The following TGFB2 variants were observed in gnomAD, a reference collection of about 807,000 sequenced individuals.
TGFB2 encodes the protein transforming growth factor beta-2 proprotein.
TGFB2 carries 13 observed loss-of-function variants against 42.7 expected under a neutral mutation model. The observed-to-expected ratio is 0.30, with a 90% CI of 0.20 to 0.48. The LOEUF (loss-of-function observed/expected upper bound fraction) is 0.48. Ranked by LOEUF, TGFB2 falls within the 20% of genes least tolerant of loss-of-function variation. The pLI, the probability that TGFB2 is intolerant of heterozygous loss-of-function variation, is 0.99. For missense variants in TGFB2, 390 were observed against 517.5 expected, an observed-to-expected ratio of 0.75 and a Z score of 2.39; for synonymous variants, 193 against 193.6, an observed-to-expected ratio of 1.00 and a Z score of 0.03.
intron 6 of TGFB2, 81 bp from the exon 7 acceptor site, chr1:218,441,123 A>C: frequency 7.3e-7 from 1 of 1,376,272 alleles, no homozygotes; most frequent in Admixed American, 2.4e-5. Context: ...ACTGCTAACA[A>C]TGTGGAATTC....
intron 1 of TGFB2, among the ~76,000 whole-genome samples, chr1:218,372,952 G>A (rs906716590): frequency 1.1e-4 from 16 of 152,056 alleles, no homozygotes; most frequent in Non-Finnish European, 2.1e-4. Flanking sequence ...TGAGGTGGGC[G>A]GATCACCTGA....
rs1656695666 is a variant in TGFB2 at position 218,346,773 on chromosome 1, C to G, written c.72C>G (p.Cys24Trp). 6.2e-7 allele frequency: 1 copy of G among 1,614,078 alleles called. No homozygotes were observed. Among genetic ancestry groups the G allele is most frequent in the African/African-American group, 1.3e-5 (1 of 74,922 alleles). ...CGGTCGCGCTCAGCCTGTCTACCTG[C>G]AGCACACTCGATATGGACCAGTTCA... ...LVTVALSLSTCSTLDMDQFMR... is the reference protein window; with the variant it reads ...LVTVALSLSTWSTLDMDQFMR... The change falls in exon 1 of 7, where the codon TGC (cysteine) becomes TGG (tryptophan). Residue 24 changes from cysteine to tryptophan, a missense_variant. Physicochemically the swap from Cys to Trp is radical, Grantham distance 215. Coordinates refer to ENST00000366930, the MANE Select transcript of TGFB2 (RefSeq NM_003238.6). The surrounding 1 kb of genome is among the most constrained non-coding windows in gnomAD (Gnocchi z 4.9).
intron 2 of TGFB2, among the ~76,000 whole-genome samples, chr1:218,428,904 T>C (rs923003372): frequency 6.6e-6 from 1 of 151,978 alleles, no homozygotes; most frequent in Non-Finnish European, 1.5e-5. Context: ...GGGATGGCAC[T>C]GAATCTATAA....
At chr1:218,415,407 T>A (rs1361233290) in intron 2 of TGFB2, among the ~76,000 whole-genome samples, 1 of 152,050 alleles carries the variant, frequency 6.6e-6, no homozygotes, top group Admixed American at 6.6e-5. Context: ...AAGTTGCAGA[T>A]GAGCAGGCCG....
intron 1 of TGFB2, among the ~76,000 whole-genome samples, chr1:218,380,293 G>A (rs1162536589): frequency 1.3e-5 from 2 of 152,300 alleles, no homozygotes; most frequent in South Asian, 4.1e-4. Flanking sequence ...TTTGGGGACG[G>A]ACATTCCACT....
rs1656624936 is a variant in TGFB2, at chr1:218,345,420, T to C, written c.-1282T>C. The stretch of plus-strand genomic sequence containing the variant: ...AGAGAAAGACAGATTGAGATAGAGA[T>C]AGAAAGAGAAAGAGAGAAAGAGACA... On this transcript the variant is annotated 5_prime_UTR_variant, in exon 1 of 7. Transcript: ENST00000366930. 6.6e-6 allele frequency: 1 copy of C among 151,946 alleles called. No individual in the cohort carries two copies. Among genetic ancestry groups the C allele is most frequent in the African/African-American group, 2.4e-5 (1 of 41,224 alleles). 9.4% of individuals were successfully genotyped at this position (151,946 alleles called of 1,614,324 possible). A position where few individuals can be genotyped will look rare whatever the true frequency, so the allele number is the denominator to read the frequency against.
At chr1:218,404,369 C>G (rs374431096) in intron 1 of TGFB2, among the ~76,000 whole-genome samples, 13 of 152,192 alleles carry the variant, frequency 8.5e-5, no homozygotes, top group Admixed American at 2.6e-4. Flanking sequence ...CCACCTCAGC[C>G]TCCCAAAGTG....
intron 2 of TGFB2, among the ~76,000 whole-genome samples, chr1:218,417,115 G>A (rs1659307051): frequency 6.6e-6 from 1 of 152,184 alleles, no homozygotes; most frequent in African/African-American, 2.4e-5. Flanking sequence ...TTTGGAACTG[G>A]GTAACGAGCA....
chr1:218,367,144 G>A (rs1657412509), intron 1 of TGFB2, among the ~76,000 whole-genome samples: 1 of 152,144 alleles, frequency 6.6e-6, no homozygotes, highest in South Asian at 2.1e-4. Context: ...GTGGAGTGGG[G>A]AAGGGACTTT....
chr1:218,433,994 A>G, intron 2 of TGFB2, 88 bp from the exon 3 acceptor site: 8 of 1,536,218 alleles, frequency 5.2e-6, no homozygotes, highest in Non-Finnish European at 7.1e-6. Flanking sequence ...AATTTAGGTA[A>G]TGAATTAGAA....
chr1:218,400,906 A>G (rs942013593), intron 1 of TGFB2, among the ~76,000 whole-genome samples: 2 of 152,224 alleles, frequency 1.3e-5, no homozygotes, highest in South Asian at 2.1e-4. Context: ...GGAGGCAGAG[A>G]GTCCTGGGCA....
chr1:218,363,719 C>G (rs368869674), intron 1 of TGFB2, among the ~76,000 whole-genome samples: 1 of 152,170 alleles, frequency 6.6e-6, no homozygotes, highest in Admixed American at 6.5e-5. Flanking sequence ...TCCTGATCCC[C>G]ATGGAGGCCA....
intron 1 of TGFB2, among the ~76,000 whole-genome samples, chr1:218,350,298 C>T (rs990157402): frequency 7.2e-5 from 11 of 152,178 alleles, no homozygotes; most frequent in Non-Finnish European, 2.9e-5. Context: ...TTGTACTCCC[C>T]CCAACACCCG....
intron 1 of TGFB2, among the ~76,000 whole-genome samples, chr1:218,370,890 G>A (rs937638372): frequency 6.6e-6 from 1 of 152,214 alleles, no homozygotes; most frequent in Admixed American, 6.5e-5. Flanking sequence ...ACAAGGGAGA[G>A]AGGCTGTGGG....
At chr1:218,386,830 T>C (rs1658152992) in intron 1 of TGFB2, among the ~76,000 whole-genome samples, 1 of 152,248 alleles carries the variant, frequency 6.6e-6, no homozygotes, top group South Asian at 2.1e-4. Context: ...TTACGTTTAC[T>C]GAGTACTTAC....
chr1:218,365,710 A>G (rs577548291), intron 1 of TGFB2, among the ~76,000 whole-genome samples: 237 of 151,898 alleles, frequency 1.6e-3, no homozygotes, highest in Middle Eastern at 3.4e-3. Context: ...TAATTGAGTA[A>G]AAATGTAAGT....
intron 1 of TGFB2, among the ~76,000 whole-genome samples, chr1:218,400,380 G>T (rs922254540): frequency 6.6e-6 from 1 of 152,128 alleles, no homozygotes; most frequent in African/African-American, 2.4e-5. Flanking sequence ...GATGCTCCCA[G>T]AGTGACAGGA....
chr1:218,391,453 A>G (rs1658313895), intron 1 of TGFB2, among the ~76,000 whole-genome samples: 2 of 152,114 alleles, frequency 1.3e-5, no homozygotes, highest in Admixed American at 6.5e-5. Context: ...GTCCTTTTCC[A>G]CCTAAACAAA....
chr1:218,412,488 G>C (rs948435036), intron 2 of TGFB2, among the ~76,000 whole-genome samples: 1 of 152,174 alleles, frequency 6.6e-6, no homozygotes, highest in African/African-American at 2.4e-5. Context: ...ACGTCAGAAC[G>C]ACCTTCCTCG....
Sources: allele counts gnomAD v4.1 joint callset (sites outside exome capture counted in the v4.1 genomes callset), GRCh38; gene constraint gnomAD v4.1.1; non-coding constraint Gnocchi (gnomAD v3.1); transcripts MANE v1.5; gene names NCBI Gene and HGNC (gene_info 2026-07-23, HGNC 2026-07-21).